FKBP5: variants seen among roughly 807,000 people sequenced by gnomAD.
FKBP5 encodes the protein FKBP prolyl isomerase 5.
In FKBP5, 23 loss-of-function variants were observed where a neutral mutation model predicts 50.5. The observed-to-expected ratio is 0.46, with a 90% CI of 0.33 to 0.65. The LOEUF (loss-of-function observed/expected upper bound fraction) is 0.65, where lower values mean the gene tolerates loss of function less well. FKBP5 is among the 30% of genes least tolerant of loss of function. FKBP5 has a pLI of 0.02. For synonymous variants in FKBP5, 176 were observed against 190.6 expected, an observed-to-expected ratio of 0.92 and a Z score of 0.63; for missense variants, 411 against 553.1, an observed-to-expected ratio of 0.74 and a Z score of 2.58.
rs947268609 is a variant in FKBP5, at chr6:35,575,834, G to A, written c.*1C>T. 8.7e-6 allele frequency: 14 copies of A among 1,604,314 alleles called. No homozygotes were observed. Among genetic ancestry groups the A allele is most frequent in the South Asian group, 2.2e-5 (2 of 90,922 alleles). ...GGGACTCTTCCCTCCTTGGCGTGGC[G>A]TCATACGTGGCCCTCAGGTTTCTCT... On this transcript the variant is annotated 3_prime_UTR_variant, in exon 11 of 11. Transcript: ENST00000357266.
intron 1 of FKBP5, among the ~76,000 whole-genome samples, chr6:35,646,508 T>C (rs1252898155): frequency 6.6e-6 from 1 of 152,166 alleles, no homozygotes; most frequent in Non-Finnish European, 1.5e-5. Context: ...CCATTAGGAG[T>C]ATAGGTTTTT....
intron 5 of FKBP5, among the ~76,000 whole-genome samples, chr6:35,605,229 A>G (rs927327309): frequency 6.7e-6 from 1 of 149,206 alleles, no homozygotes; most frequent in African/African-American, 2.6e-5. Flanking sequence ...CAAATCATTT[A>G]AAGATATATA....
chr6:35,576,113 C>T (rs1458431877), intron 10 of FKBP5, among the ~76,000 whole-genome samples, 171 bp from the exon 11 acceptor site: 9 of 152,112 alleles, frequency 5.9e-5, no homozygotes, highest in Non-Finnish European at 1.2e-4. Context: ...GTGGGAGCTT[C>T]ACCTTTCTTT....
chr6:35,592,348 A>G (rs1263880767), intron 6 of FKBP5, among the ~76,000 whole-genome samples: 1 of 152,206 alleles, frequency 6.6e-6, no homozygotes, highest in African/African-American at 2.4e-5. Context: ...CAGGAATAAA[A>G]ATGCTTACTC....
intron 5 of FKBP5, among the ~76,000 whole-genome samples, chr6:35,602,154 T>C (rs1763165461): frequency 6.7e-6 from 1 of 148,774 alleles, no homozygotes; most frequent in Admixed American, 6.7e-5. Context: ...CCGATTAAAA[T>C]AGGGGGGAAA....
chr6:35,599,619 G>A (rs1763084540), intron 5 of FKBP5, among the ~76,000 whole-genome samples: 1 of 152,132 alleles, frequency 6.6e-6, no homozygotes, highest in Non-Finnish European at 1.5e-5. Flanking sequence ...GACACAGAAT[G>A]GGGTCTAAGA....
chr6:35,685,925 T>C (rs1462239054), intron 1 of FKBP5, among the ~76,000 whole-genome samples: 1 of 135,472 alleles, frequency 7.4e-6, no homozygotes, highest in Admixed American at 9.0e-5. Context: ...GAGGTTGCAA[T>C]GAGCCGAGAC....
rs565784081 is a variant in FKBP5 at position 35,574,001 on chromosome 6, G to A, written c.*1834C>T. ...CTTTTTAGTATCAAATTTCAATCTT[G>A]GCCTCACTGGAACCATGCTCTACAG... is the stretch of plus-strand genomic sequence containing the variant. On this transcript the variant is annotated 3_prime_UTR_variant, in exon 11 of 11. Transcript: ENST00000357266. 1.3e-4 allele frequency: 20 copies of A among 152,264 alleles called. No individual in the cohort carries two copies. The highest frequency in any genetic ancestry group is 1.3e-4 in the Non-Finnish European group (9 of 68,032). The allele number at this position is 152,264 out of a possible 1,614,324, so 9.4% of individuals were successfully genotyped here.
intron 8 of FKBP5, chr6:35,585,784 G>A (rs981246766): frequency 1.0e-6 from 1 of 985,076 alleles, no homozygotes; most frequent in East Asian, 1.1e-4. Context: ...ATAACATATT[G>A]CAATACACTT....
chr6:35,581,673 G>C, intron 8 of FKBP5: 1 of 985,452 alleles, frequency 1.0e-6, no homozygotes, highest in Non-Finnish European at 1.2e-6. Flanking sequence ...GTAAATGAAA[G>C]CACTGGGGAA....
At chr6:35,632,359 A>G (rs1044682804) in intron 3 of FKBP5, among the ~76,000 whole-genome samples, 4 of 152,156 alleles carry the variant, frequency 2.6e-5, no homozygotes, top group Non-Finnish European at 5.9e-5. Context: ...TCAGGACCCA[A>G]GATGTTATAA....
intron 2 of FKBP5, among the ~76,000 whole-genome samples, chr6:35,700,900 A>G (rs894714370): frequency 6.6e-6 from 1 of 152,156 alleles, no homozygotes; most frequent in Admixed American, 6.6e-5. Flanking sequence ...CAGAGGCTGC[A>G]GTGAGCCAAG....
chr6:35,676,113 G>A (rs910273354), intron 1 of FKBP5, among the ~76,000 whole-genome samples: 3 of 152,142 alleles, frequency 2.0e-5, no homozygotes, highest in Non-Finnish European at 2.9e-5. Context: ...GGGATTTGAC[G>A]TCATAGTGTA....
intron 1 of FKBP5, among the ~76,000 whole-genome samples, chr6:35,724,757 G>GAA (rs766503491): frequency 1.0e-4 from 12 of 119,498 alleles, no homozygotes; most frequent in African/African-American, 1.2e-4. Context: ...CCTTGTCTCA[G>GAA]AAAAAAAAAA....
intron 1 of FKBP5, among the ~76,000 whole-genome samples, chr6:35,662,461 T>C (rs1034796223): frequency 2.8e-4 from 42 of 151,532 alleles, no homozygotes; most frequent in African/African-American, 9.4e-4. Context: ...TTTTTTTTTT[T>C]TTTGTAGAGA....
At chr6:35,714,607 A>G (rs987594396) in intron 2 of FKBP5, among the ~76,000 whole-genome samples, 8 of 151,974 alleles carry the variant, frequency 5.3e-5, no homozygotes, top group Non-Finnish European at 7.4e-5. Flanking sequence ...ACCTGAGGTC[A>G]GGAGTTTGAG....
chr6:35,724,186 C>G (rs1272472757), intron 1 of FKBP5, among the ~76,000 whole-genome samples: 1 of 152,214 alleles, frequency 6.6e-6, no homozygotes, highest in African/African-American at 2.4e-5. Context: ...GCAGATAGAC[C>G]TGACTTCAGA....
In FKBP5 at chr6:35,660,043, A is replaced by C. The variant is rs1294240605; in HGVS notation, c.-19-17200T>G. On this transcript the variant is annotated intron_variant, in intron 1 of 10. Coordinates refer to ENST00000357266, the MANE Select transcript of FKBP5 (RefSeq NM_004117.4). ...AATTTTCCCCTAAACATTTGCATTA[A>C]CCACAACCCACATATTCTGATATGA... 2.4e-5 allele frequency among the ~76,000 whole-genome samples: 2 copies of C among 84,080 alleles called. 1 individual carries two copies. Among genetic ancestry groups the C allele is most frequent in the Non-Finnish European group, 5.4e-5 (2 of 36,708 alleles). The allele number at this position is 84,080 out of a possible 152,430, so 55.2% of individuals were successfully genotyped here.
rs369139580 is a variant in FKBP5, at chr6:35,627,980, C to T, written c.251-7706G>A. Among the ~76,000 whole-genome samples the T allele has an allele frequency of 2.2e-5, 3 of 136,812 alleles. No homozygotes were observed. The East Asian group carries it at 6.3e-4, about 29-fold the overall frequency. 89.8% of individuals were successfully genotyped at this position (136,812 alleles called of 152,430 possible). On this transcript the variant is annotated intron_variant, in intron 3 of 10. Coordinates refer to ENST00000357266, the MANE Select transcript of FKBP5 (RefSeq NM_004117.4). ...AGAGACGGGGTTTCACCATATTGGTCAGGGCTGGTCTTGAATTCCTAACCT... is the reference window on the plus strand; with the variant it reads ...AGAGACGGGGTTTCACCATATTGGTTAGGGCTGGTCTTGAATTCCTAACCT...
Sources: gnomAD v4.1 joint callset for allele counts (sites outside exome capture counted in the v4.1 genomes callset) on GRCh38, gnomAD v4.1.1 for gene constraint, MANE v1.5 for transcripts, NCBI Gene and HGNC (gene_info 2026-07-23, HGNC 2026-07-21) for gene names.